The following KCP variants were observed in gnomAD, a reference collection of about 807,000 sequenced individuals.
The protein encoded by KCP is kielin cysteine rich BMP regulator, also known as kielin/chordin-like protein.
In KCP, 194 loss-of-function variants were observed where a neutral mutation model predicts 212.7. The observed-to-expected ratio is 0.91, with a 90% CI of 0.81 to 1.03. The LOEUF (loss-of-function observed/expected upper bound fraction) is 1.03. Among genes scored for constraint, KCP ranks in the 50% least tolerant of loss-of-function variants. The pLI is 0.00. For missense variants in KCP, 2,080 were observed against 2,162.5 expected, an observed-to-expected ratio of 0.96 and a Z score of 0.76; for synonymous variants, 833 against 865.3, an observed-to-expected ratio of 0.96 and a Z score of 0.65.
chr7:128,902,877 A>C lies in KCP; in HGVS notation c.749-18T>G, dbSNP rs1310491082. 1.3e-6 allele frequency: 2 copies of C among 1,544,438 alleles called. No homozygotes were observed. Among genetic ancestry groups the C allele is most frequent in the South Asian group, 2.4e-5 (2 of 83,954 alleles). On this transcript the variant is annotated intron_variant, in intron 7 of 39. Coordinates refer to ENST00000610776, the MANE Select transcript of KCP (RefSeq NM_001366122.1). ...TGTGCAGCCTAGGGTTGAGGGGTTG[A>C]GAAGAGGGAGGCCTGGTGGGAGCTG... is the stretch of plus-strand genomic sequence containing the variant.
At chr7:128,887,340 CAG>C (rs1482519039) in intron 22 of KCP, 40 bp from the exon 23 acceptor site, 2 of 1,453,772 alleles carry the variant, frequency 1.4e-6, no homozygotes, top group African/African-American at 2.8e-5. Flanking sequence ...CTGCCATCAA[CAG>C]AACCTCCACT....
chr7:128,896,970 T>C (rs1794568607), intron 8 of KCP, among the ~76,000 whole-genome samples: 1 of 152,118 alleles, frequency 6.6e-6, no homozygotes, highest in Non-Finnish European at 1.5e-5. Flanking sequence ...AGGTGGGTCT[T>C]TCTCTGGCCT....
At chr7:128,888,727 GGTGAGGGA>G (rs2128946636) in intron 22 of KCP, 128 bp downstream of exon 22, 2 of 832,508 alleles carry the variant, frequency 2.4e-6, no homozygotes, top group African/African-American at 3.4e-5. Context: ...CTCTATCAAA[GGTGAGGGA>G]GTCGGAGAGT....
In KCP at chr7:128,880,599, C is replaced by T; in HGVS notation, c.3616+20G>A. The stretch of plus-strand genomic sequence containing the variant: ...CCAGAAGGTCTGGCTTACCCCTCCC[C>T]CATCACCCTGGCTGCGCACCTTGGC... On this transcript the variant is annotated intron_variant, in intron 33 of 39. Coordinates refer to ENST00000610776, the MANE Select transcript of KCP (RefSeq NM_001366122.1). 7.7e-7 allele frequency: 1 copy of T among 1,305,942 alleles called. No individual in the cohort carries two copies. Among genetic ancestry groups the T allele is most frequent in the Non-Finnish European group, 1.0e-6 (1 of 1,003,714 alleles). The allele number at this position is 1,305,942 out of a possible 1,614,324, so 80.9% of individuals were successfully genotyped here.
chr7:128,898,079 C>G (rs1289346078), intron 8 of KCP, among the ~76,000 whole-genome samples: 1 of 150,922 alleles, frequency 6.6e-6, no homozygotes, highest in Non-Finnish European at 1.5e-5. Context: ...TTTTTTGAGA[C>G]AGTCTCACTC....
Position 128,886,744 on chromosome 7 carries a change from G to A in KCP, c.2690-7C>T. 2.6e-6 allele frequency: 4 copies of A among 1,551,388 alleles called. No individual in the cohort carries two copies. Among genetic ancestry groups the A allele is most frequent in the Non-Finnish European group, 8.7e-7 (1 of 1,146,762 alleles). ...CGGCCCTGAGAGAGACAGCCTGTGG[G>A]GGACACACCTCCTGGGTGGGGGGCC... is the stretch of plus-strand genomic sequence containing the variant. On this transcript the variant is annotated splice_polypyrimidine_tract_variant and splice_region_variant and intron_variant, in intron 24 of 39. Coordinates refer to ENST00000610776, the MANE Select transcript of KCP (RefSeq NM_001366122.1).
chr7:128,896,244 T>C (rs1794514289), intron 8 of KCP, among the ~76,000 whole-genome samples: 1 of 152,124 alleles, frequency 6.6e-6, no homozygotes, highest in Admixed American at 6.5e-5. Context: ...GGGGTGCATA[T>C]ACCCGGGTAA....
intron 34 of KCP, 37 bp from the exon 35 acceptor site, chr7:128,880,122 C>T (rs1350730583): frequency 1.4e-5 from 21 of 1,487,614 alleles, no homozygotes; most frequent in Non-Finnish European, 1.8e-5. Flanking sequence ...ACACACCGCC[C>T]TCCCCGCCAT....
At chr7:128,902,158 G>A (rs73238181) in intron 8 of KCP, among the ~76,000 whole-genome samples, 2,176 of 152,224 alleles carry the variant, frequency 0.014, 22 homozygotes, top group Non-Finnish European at 0.021. Flanking sequence ...GCCTCCCAAG[G>A]TGCTGGGATC....
In KCP at chr7:128,877,657, C is replaced by G. The variant is rs572318375; in HGVS notation, c.4445G>C (p.Arg1482Pro). ...CTCCGGTGGCACCACAGCATGGCAG[C>G]GACTGAATGGGGAGGACTTCAGCAC... ...CGVLKSSPFS[R>P]CHAVVPPEPF... The change falls in exon 39 of 40, where the codon CGC becomes CCC. Residue 1482 changes from arginine to proline, a missense_variant. Transcript: ENST00000610776. 1.3e-6 allele frequency: 2 copies of G among 1,551,564 alleles called. No individual in the cohort carries two copies. Among genetic ancestry groups the G allele is most frequent in the Non-Finnish European group, 1.7e-6 (2 of 1,146,976 alleles).
chr7:128,903,658 C>A, intron 7 of KCP, 69 bp downstream of exon 7: 1 of 1,316,026 alleles, frequency 7.6e-7, no homozygotes, highest in Non-Finnish European at 1.0e-6. Flanking sequence ...GCAAGGTGGG[C>A]TCTGGAATTC....
In KCP at chr7:128,907,123, G is replaced by T. The variant is rs973216733; in HGVS notation, c.464C>A (p.Ala155Asp). 2 of 1,551,464 alleles carry T rather than the reference G, an allele frequency of 1.3e-6. No homozygotes were observed. Among genetic ancestry groups the T allele is most frequent in the Non-Finnish European group, 1.7e-6 (2 of 1,146,902 alleles). Residue 155 changes from alanine to aspartate, a missense_variant, in exon 4 of 40, where the codon GCC (alanine) becomes GAC (aspartate). By Grantham distance (126) the Ala-to-Asp change is moderately radical. Transcript: ENST00000610776. ...YGNGETFSPD[A>D]CTTCRCLEGT... The stretch of plus-strand genomic sequence containing the variant: ...TACCAGACAGCGGCAGGTGGTGCAG[G>T]CATCTGGGGAGAAGGTCTCCCCGTT...
In KCP at chr7:128,877,163, G is replaced by A. The variant is rs975651301; in HGVS notation, c.4767C>T (p.Gly1589=). Residue 1589 remains glycine, a synonymous_variant, in exon 40 of 40, where the codon GGC becomes GGT. Coordinates refer to ENST00000610776, the MANE Select transcript of KCP (RefSeq NM_001366122.1). ...TGCAGTGGGCCTCATGCTCCACCAG[G>A]CCTGCAGGGCACTGGCAGCCGGGCA... The part of the protein sequence containing the change: ...PCVPGCQCPA[G]LVEHEAHCIP... 27 of 1,495,566 alleles carry A rather than the reference G, an allele frequency of 1.8e-5. No homozygotes were observed. In the Middle Eastern group the frequency reaches 9.0e-4, roughly 50 times the overall value. The allele number at this position is 1,495,566 out of a possible 1,614,324, so 92.6% of individuals were successfully genotyped here.
chr7:128,880,882 G>T, intron 32 of KCP, 115 bp downstream of exon 32: 2 of 400,014 alleles, frequency 5.0e-6, no homozygotes, highest in Middle Eastern at 1.3e-3. Flanking sequence ...TCCATGCCCC[G>T]GTGCAGGGAT....
rs760342030 is a variant in KCP at position 128,888,327 on chromosome 7, A to AACACAC, written c.2512+530_2512+535dup. The stretch of plus-strand genomic sequence containing the variant: ...ACACACAGATACACCCACACAGAGC[A>AACACAC]ACACACACACACACACACACATACA... On this transcript the variant is annotated intron_variant, in intron 22 of 39. Coordinates refer to ENST00000610776, the MANE Select transcript of KCP (RefSeq NM_001366122.1). 2.5e-3 allele frequency among the ~76,000 whole-genome samples: 265 copies of AACACAC among 106,678 alleles called. 3 individuals are homozygous for AACACAC. The highest frequency in any genetic ancestry group is 6.9e-3 in the Middle Eastern group (1 of 144). The allele number at this position is 106,678 out of a possible 152,430, so 70.0% of individuals were successfully genotyped here.
At chr7:128,903,985 AG>A in intron 6 of KCP, 70 bp downstream of exon 6, 1 of 1,438,600 alleles carries the variant, frequency 7.0e-7, no homozygotes, top group Non-Finnish European at 9.6e-7. Flanking sequence ...GAGGAGTGGC[AG>A]GCAGGGCCCA....
At position 128,888,931 on chromosome 7, in the gene KCP, C is replaced by T. The variant is rs894408637; in HGVS notation, c.2444G>A (p.Arg815Gln). Residue 815 changes from arginine to glutamine, a missense_variant, in exon 22 of 40, where the codon CGG becomes CAG. Coordinates refer to ENST00000610776, the MANE Select transcript of KCP (RefSeq NM_001366122.1). Reference sequence around the variant, plus strand: ...GCTGCAGCCCGGAGGCTCACAGGGCCGGCGGCCGCAGGTCACGAAGCCTCC... The same window carrying T: ...GCTGCAGCCCGGAGGCTCACAGGGCTGGCGGCCGCAGGTCACGAAGCCTCC... ...CLGGFVTCGRRPCEPPGCSHP... is the reference protein window; with the variant it reads ...CLGGFVTCGRQPCEPPGCSHP... The T allele has an allele frequency of 6.5e-6, 10 of 1,549,560 alleles. No individual in the cohort carries two copies. Among genetic ancestry groups the T allele is most frequent in the East Asian group, 4.9e-5 (2 of 40,806 alleles).
At chr7:128,892,834 A>G in intron 14 of KCP, 35 bp downstream of exon 14, 1 of 1,551,118 alleles carries the variant, frequency 6.4e-7, no homozygotes, top group Non-Finnish European at 8.7e-7. Flanking sequence ...TGGGTAATGC[A>G]GGGGAAGAAA....
At position 128,891,546 on chromosome 7, in the gene KCP, G is replaced by A. The variant is rs1452990720; in HGVS notation, c.1796-13C>T. Reference sequence around the variant, plus strand: ...CCAAAGGCACAGCCTGGGGGAGGGAGGGGCTATAGCCTGGGAGAGGGCGAC... The same window carrying A: ...CCAAAGGCACAGCCTGGGGGAGGGAAGGGCTATAGCCTGGGAGAGGGCGAC... On this transcript the variant is annotated splice_polypyrimidine_tract_variant and intron_variant, in intron 17 of 39. Coordinates refer to ENST00000610776, the MANE Select transcript of KCP (RefSeq NM_001366122.1). The A allele has an allele frequency of 6.5e-6, 10 of 1,546,394 alleles. No individual in the cohort carries two copies. The Admixed American group carries it at 1.6e-4, about 24-fold the overall frequency.
Sources: gnomAD v4.1 joint callset for allele counts (sites outside exome capture counted in the v4.1 genomes callset) on GRCh38, gnomAD v4.1.1 for gene constraint, MANE v1.5 for transcripts, NCBI Gene and HGNC (gene_info 2026-07-23, HGNC 2026-07-21) for gene names.